The following KHDRBS2 variants were observed in gnomAD, a reference collection of about 807,000 sequenced individuals.
KHDRBS2 encodes KH domain-containing, RNA-binding, signal transduction-associated protein 2.
A neutral mutation model predicts 44.3 loss-of-function variants in KHDRBS2; 26 were observed. That is an observed-to-expected ratio of 0.59 (90% CI 0.43 to 0.81). The LOEUF (loss-of-function observed/expected upper bound fraction) is 0.81, where lower values mean the gene tolerates loss of function less well. Among genes scored for constraint, KHDRBS2 ranks in the 40% least tolerant of loss-of-function variants. KHDRBS2 has a pLI of 0.00. For synonymous variants in KHDRBS2, 194 were observed against 151.1 expected (o/e 1.28, Z -2.08); for missense variants, 476 against 433.1 (o/e 1.10, Z -0.88).
At chr6:62,020,929 C>A (rs1243681966) in intron 3 of KHDRBS2, among the ~76,000 whole-genome samples, 1 of 152,016 alleles carries the variant, frequency 6.6e-6, no homozygotes, top group African/African-American at 2.4e-5. Context: ...CAAATGCATG[C>A]ATATGTGCAT....
intron 6 of KHDRBS2, among the ~76,000 whole-genome samples, chr6:61,830,336 A>G (rs1276798824): frequency 6.6e-6 from 1 of 152,196 alleles, no homozygotes; most frequent in African/African-American, 2.4e-5. Context: ...ACAGCTATAC[A>G]TTCAGGAGTT....
chr6:61,853,039 G>A (rs561082726), intron 6 of KHDRBS2, among the ~76,000 whole-genome samples: 4 of 152,250 alleles, frequency 2.6e-5, no homozygotes, highest in African/African-American at 9.6e-5. Flanking sequence ...CTGATCTGTT[G>A]CCATTGGATC....
the KHDRBS2 span, among the ~76,000 whole-genome samples, chr6:61,557,611 G>T: frequency 2.6e-5 from 4 of 152,066 alleles, no homozygotes; most frequent in South Asian, 4.2e-4. Flanking sequence ...ATGTGTCTTT[G>T]TCTGGTTTTG....
At chr6:61,566,979 C>G in the KHDRBS2 span, among the ~76,000 whole-genome samples, 1 of 152,120 alleles carries the variant, frequency 6.6e-6, no homozygotes. Context: ...CAAAAGTCAG[C>G]AAGATTTTTA....
intron 6 of KHDRBS2, among the ~76,000 whole-genome samples, chr6:61,793,232 T>A (rs1487324481): frequency 6.6e-6 from 1 of 152,000 alleles, no homozygotes; most frequent in Non-Finnish European, 1.5e-5. Context: ...CACTTCACAA[T>A]ATTTATAAAT....
intron 6 of KHDRBS2, among the ~76,000 whole-genome samples, chr6:61,868,406 T>C (rs1373630647): frequency 6.6e-6 from 1 of 152,016 alleles, no homozygotes; most frequent in Non-Finnish European, 1.5e-5. Context: ...ACGGTGGCTG[T>C]AGGCTCCAGT....
the KHDRBS2 span, among the ~76,000 whole-genome samples, chr6:61,573,973 A>G: frequency 2.6e-5 from 4 of 152,174 alleles, no homozygotes; most frequent in Non-Finnish European, 5.9e-5. Context: ...AGAAGCCAGA[A>G]ATGATGCCAA....
intron 6 of KHDRBS2, among the ~76,000 whole-genome samples, chr6:61,735,990 T>G (rs1185760565): frequency 3.3e-5 from 5 of 151,948 alleles, no homozygotes; most frequent in African/African-American, 1.2e-4. Flanking sequence ...TGCAATGCCT[T>G]TGTGTGTGTG....
At chr6:61,874,386 C>G (rs1342880367) in intron 6 of KHDRBS2, among the ~76,000 whole-genome samples, 1 of 152,074 alleles carries the variant, frequency 6.6e-6, no homozygotes, top group African/African-American at 2.4e-5. Context: ...GCTAGCAGAA[C>G]AAGCACAAAA....
the KHDRBS2 span, among the ~76,000 whole-genome samples, chr6:61,674,188 G>C: frequency 6.6e-6 from 1 of 151,756 alleles, no homozygotes; most frequent in Admixed American, 6.6e-5. Flanking sequence ...GTTTTTCTAT[G>C]ATGAAATCAG....
intron 6 of KHDRBS2, among the ~76,000 whole-genome samples, chr6:61,777,949 C>T (rs1351339191): frequency 1.3e-5 from 2 of 151,856 alleles, no homozygotes; most frequent in Non-Finnish European, 2.9e-5. Context: ...TTTCACTACC[C>T]AGGTATTAAG....
chr6:61,665,006 T>C, the KHDRBS2 span, among the ~76,000 whole-genome samples: 5 of 151,626 alleles, frequency 3.3e-5, no homozygotes, highest in Non-Finnish European at 7.4e-5. Context: ...ATATACTTTT[T>C]CTAATTCTAC....
chr6:62,120,425 A>G (rs1480057527), intron 2 of KHDRBS2, among the ~76,000 whole-genome samples: 1 of 152,204 alleles, frequency 6.6e-6, no homozygotes, highest in Non-Finnish European at 1.5e-5. Flanking sequence ...TCTGTATGCC[A>G]GATCTTACAG....
At chr6:62,008,839 T>C (rs532578051) in intron 3 of KHDRBS2, among the ~76,000 whole-genome samples, 1 of 152,292 alleles carries the variant, frequency 6.6e-6, no homozygotes, top group African/African-American at 2.4e-5. Flanking sequence ...CCTTCCAACA[T>C]GATTGTGAGG....
rs530976819 is a variant in KHDRBS2, at chr6:62,286,183, C to T, written c.-235G>A. 13 of 532,118 alleles carry T rather than the reference C, an allele frequency of 2.4e-5. No individual in the cohort carries two copies. The highest frequency in any genetic ancestry group is 1.8e-4 in the East Asian group (5 of 28,458). The allele number at this position is 532,118 out of a possible 1,614,324, so 33.0% of individuals were successfully genotyped here. A position where few individuals can be genotyped will look rare whatever the true frequency, so the allele number is the denominator to read the frequency against. Reference sequence around the variant, plus strand: ...GTCGTCCCTCGCTCGCGCAGAGCCCCGGCTCACACCAGCGGCCTTAACTGG... The same window carrying T: ...GTCGTCCCTCGCTCGCGCAGAGCCCTGGCTCACACCAGCGGCCTTAACTGG... On this transcript the variant is annotated 5_prime_UTR_variant, in exon 1 of 9. Transcript: ENST00000281156.
intron 4 of KHDRBS2, among the ~76,000 whole-genome samples, chr6:61,956,480 A>G (rs1461633361): frequency 6.6e-6 from 1 of 152,134 alleles, no homozygotes; most frequent in Non-Finnish European, 1.5e-5. Context: ...ACCTTCAGCC[A>G]GTACATCTTT....
intron 1 of KHDRBS2, among the ~76,000 whole-genome samples, chr6:62,224,368 A>G (rs1387712157): frequency 6.6e-6 from 1 of 152,170 alleles, no homozygotes; most frequent in Non-Finnish European, 1.5e-5. Flanking sequence ...GTAATTCAAG[A>G]TAAGATTTGG....
At chr6:61,645,538 T>C in the KHDRBS2 span, among the ~76,000 whole-genome samples, 2 of 131,338 alleles carry the variant, frequency 1.5e-5, no homozygotes, top group African/African-American at 5.7e-5. Context: ...AAAAAAAAGG[T>C]ATTTGAGTAG....
intron 6 of KHDRBS2, among the ~76,000 whole-genome samples, chr6:61,847,552 A>T (rs514592): frequency 0.57 from 87,052 of 151,714 alleles, 25,132 homozygotes; most frequent in South Asian, 0.68. Context: ...GTCCTCAAGT[A>T]CTCTTACTTG....
Sources: allele counts gnomAD v4.1 joint callset (sites outside exome capture counted in the v4.1 genomes callset), GRCh38; gene constraint gnomAD v4.1.1; transcripts MANE v1.5; gene names NCBI Gene and HGNC (gene_info 2026-07-23, HGNC 2026-07-21).